PARVA: variants seen among roughly 807,000 people sequenced by gnomAD.
PARVA encodes alpha-parvin.
In PARVA, 25 loss-of-function variants were observed where a neutral mutation model predicts 52.6. That is an observed-to-expected ratio of 0.48 (90% CI 0.35 to 0.66). The LOEUF is 0.66. Among genes scored for constraint, PARVA ranks in the 30% least tolerant of loss-of-function variants. The pLI is 0.01. For missense variants in PARVA, 373 were observed against 450.9 expected, an observed-to-expected ratio of 0.83 and a Z score of 1.56; for synonymous variants, 185 against 179.1, an observed-to-expected ratio of 1.03 and a Z score of -0.26.
intron 1 of PARVA, among the ~76,000 whole-genome samples, chr11:12,392,266 C>A (rs1031983682): frequency 7.3e-6 from 1 of 136,214 alleles, no homozygotes; most frequent in African/African-American, 2.7e-5. Flanking sequence ...TACTTCATTC[C>A]TTTTTTTTTT....
intron 1 of PARVA, among the ~76,000 whole-genome samples, chr11:12,391,205 A>G (rs147381608): frequency 2.0e-5 from 3 of 152,212 alleles, no homozygotes; most frequent in Non-Finnish European, 2.9e-5. Context: ...TGGCCCTGCC[A>G]GGGTGGATGT....
At chr11:12,526,068 C>A (rs548916074) in intron 12 of PARVA, among the ~76,000 whole-genome samples, 2 of 151,988 alleles carry the variant, frequency 1.3e-5, no homozygotes, top group East Asian at 1.9e-4. Context: ...GAGAATGGCA[C>A]AGGCAGGAGC....
intron 4 of PARVA, among the ~76,000 whole-genome samples, chr11:12,481,665 G>A (rs1941088271): frequency 6.6e-6 from 1 of 152,154 alleles, no homozygotes; most frequent in Admixed American, 6.5e-5. Flanking sequence ...CCCTTACGTG[G>A]TGGTATTAAC....
rs1235857929 is a variant in PARVA at position 12,534,619 on chromosome 11, GAC to G, written c.*6700_*6701del. 4.6e-5 allele frequency among the ~76,000 whole-genome samples: 7 copies of G among 152,208 alleles called. No individual in the cohort carries two copies. The highest frequency in any genetic ancestry group is 1.7e-4 in the African/African-American group (7 of 41,464). The stretch of plus-strand genomic sequence containing the variant: ...TTGTTAGCACAGGCTGTCATTCCAA[GAC>G]ACACAAATGTCATTAAGGCAACCGC... On this transcript the variant is annotated 3_prime_UTR_variant, in exon 13 of 13. Coordinates refer to ENST00000334956, the MANE Select transcript of PARVA (RefSeq NM_018222.5).
chr11:12,431,152 C>A (rs1429595762), intron 1 of PARVA, among the ~76,000 whole-genome samples: 1 of 152,204 alleles, frequency 6.6e-6, no homozygotes, highest in Non-Finnish European at 1.5e-5. Context: ...AGCTGATCCC[C>A]CAATACCCCT....
At chr11:12,522,500 C>A (rs981485862) in intron 12 of PARVA, among the ~76,000 whole-genome samples, 2 of 147,946 alleles carry the variant, frequency 1.4e-5, no homozygotes, top group African/African-American at 5.0e-5. Context: ...CTCACTGGAA[C>A]CTTCCCCTCC....
At chr11:12,378,545 C>G (rs1405596044) in intron 1 of PARVA, among the ~76,000 whole-genome samples, 2 of 151,734 alleles carry the variant, frequency 1.3e-5, no homozygotes, top group African/African-American at 2.4e-5. Context: ...TGTTTTTTCC[C>G]CACCAGAGTG....
chr11:12,484,622 A>G (rs966336414), intron 4 of PARVA, among the ~76,000 whole-genome samples: 4 of 151,852 alleles, frequency 2.6e-5, no homozygotes, highest in Non-Finnish European at 5.9e-5. Context: ...AATAATATCC[A>G]CTAGGCAAAA....
intron 1 of PARVA, among the ~76,000 whole-genome samples, chr11:12,413,060 G>C (rs1940013806): frequency 6.6e-6 from 1 of 152,168 alleles, no homozygotes; most frequent in Non-Finnish European, 1.5e-5. Context: ...CTTGTGCATT[G>C]GGTGCCAACT....
At chr11:12,377,379 C>T (rs377434974), upstream of PARVA, 150 of 1,345,874 alleles carry the variant, frequency 1.1e-4, no homozygotes, top group East Asian at 4.5e-3. Context: ...CTGCAAGGGG[C>T]AGTTTTGGGG....
At chr11:12,518,368 C>A in intron 11 of PARVA, 77 bp from the exon 12 acceptor site, 2 of 1,050,464 alleles carry the variant, frequency 1.9e-6, no homozygotes, top group Non-Finnish European at 2.9e-6. Context: ...CAGTGCTGGG[C>A]TCCTTCACTT....
At chr11:12,383,755 G>T (rs978838109) in intron 1 of PARVA, among the ~76,000 whole-genome samples, 2 of 151,510 alleles carry the variant, frequency 1.3e-5, no homozygotes, top group Non-Finnish European at 2.9e-5. Context: ...AATTTTTTTT[G>T]ATATTTCTAG....
chr11:12,473,725 T>C lies in PARVA; in HGVS notation c.137-20T>C, dbSNP rs768439390. 2 of 1,543,380 alleles carry C rather than the reference T, an allele frequency of 1.3e-6. No individual in the cohort carries two copies. Among genetic ancestry groups the C allele is most frequent in the South Asian group, 2.4e-5 (2 of 84,000 alleles). On this transcript the variant is annotated intron_variant, in intron 1 of 12. Coordinates refer to ENST00000334956, the MANE Select transcript of PARVA (RefSeq NM_018222.5). ...CCGTCCGTCAGCTGAAATGTGACCC[T>C]GCTCTTCCTTTTCTTCCAGTGTCCG...
At chr11:12,416,595 TC>T (rs995597607) in intron 1 of PARVA, among the ~76,000 whole-genome samples, 1 of 151,558 alleles carries the variant, frequency 6.6e-6, no homozygotes, top group Non-Finnish European at 1.5e-5. Flanking sequence ...TGATGAAGGG[TC>T]CCTGCTGCTT....
At position 12,528,926 on chromosome 11, in the gene PARVA, G is replaced by A. The variant is rs1056056831; in HGVS notation, c.*1001G>A. 1 of 152,560 alleles carries A rather than the reference G, an allele frequency of 6.6e-6. No individual in the cohort carries two copies. Among genetic ancestry groups the A allele is most frequent in the African/African-American group, 2.4e-5 (1 of 41,420 alleles). 9.5% of individuals were successfully genotyped at this position (152,560 alleles called of 1,614,324 possible). ...GCCTTTTTGCTTGATTGCATGTAAT[G>A]GAAATGCCCTATATTTTCCTGCAAA... On this transcript the variant is annotated 3_prime_UTR_variant, in exon 13 of 13. Coordinates refer to ENST00000334956, the MANE Select transcript of PARVA (RefSeq NM_018222.5).
chr11:12,490,109 G>A (rs184123418), intron 4 of PARVA, among the ~76,000 whole-genome samples: 5 of 152,044 alleles, frequency 3.3e-5, no homozygotes, highest in South Asian at 2.1e-4. Flanking sequence ...CCAGCTACTC[G>A]GGAGGCTGAG....
intron 5 of PARVA, among the ~76,000 whole-genome samples, chr11:12,500,043 G>T (rs557122522): frequency 3.3e-5 from 5 of 152,048 alleles, no homozygotes; most frequent in Non-Finnish European, 7.4e-5. Flanking sequence ...CCTGCTTGTA[G>T]CCATAATGAC....
At chr11:12,402,399 G>T (rs1939840794) in intron 1 of PARVA, among the ~76,000 whole-genome samples, 1 of 152,204 alleles carries the variant, frequency 6.6e-6, no homozygotes, top group African/African-American at 2.4e-5. Flanking sequence ...GTACAGAGTG[G>T]ATCTGGAGGG....
At chr11:12,435,766 TCTC>T (rs1940378468) in intron 1 of PARVA, among the ~76,000 whole-genome samples, 1 of 151,976 alleles carries the variant, frequency 6.6e-6, no homozygotes, top group Non-Finnish European at 1.5e-5. Flanking sequence ...GCAAGTGACT[TCTC>T]CTGGCTATAT....
Sources: allele counts gnomAD v4.1 joint callset (sites outside exome capture counted in the v4.1 genomes callset), GRCh38; gene constraint gnomAD v4.1.1; transcripts MANE v1.5; gene names NCBI Gene and HGNC (gene_info 2026-07-23, HGNC 2026-07-21).